The following ERBIN variants were observed in gnomAD, a reference collection of about 807,000 sequenced individuals.
The protein encoded by ERBIN is densin-180-like protein.
A neutral mutation model predicts 158.4 loss-of-function variants in ERBIN; 60 were observed. The observed-to-expected ratio is 0.38, with a 90% CI of 0.31 to 0.47. ERBIN has a LOEUF of 0.47. ERBIN is among the 20% of genes least tolerant of loss of function. The probability of loss-of-function intolerance (pLI) is 0.99; values close to 1 mark genes in which losing one functional copy is unlikely to be tolerated. For missense variants in ERBIN, 1,610 were observed against 1,648.0 expected (o/e 0.98, Z 0.40); for synonymous variants, 594 against 557.2 (o/e 1.07, Z -0.93).
In ERBIN at chr5:66,048,560, TA is replaced by T. The variant is rs1758689377; in HGVS notation, c.1789-106del. ...ATTGCCGTATCTTGAAAAGGTTTAATATGTGTTTATAATATTTGTTTTCCCT... is the reference window on the plus strand; with the variant it reads ...ATTGCCGTATCTTGAAAAGGTTTAATTGTGTTTATAATATTTGTTTTCCCT... On this transcript the variant is annotated intron_variant, in intron 18 of 25. Coordinates refer to ENST00000284037, the MANE Select transcript of ERBIN (RefSeq NM_001253697.2). The T allele has an allele frequency of 1.0e-5, 7 of 674,398 alleles. No homozygotes were observed. The Admixed American group carries it at 1.8e-4, about 17-fold the overall frequency. The allele number at this position is 674,398 out of a possible 1,614,324, so 41.8% of individuals were successfully genotyped here. A position where few individuals can be genotyped will look rare whatever the true frequency, so the allele number is the denominator to read the frequency against.
intron 1 of ERBIN, among the ~76,000 whole-genome samples, chr5:65,967,171 A>G (rs1351559671): frequency 2.0e-5 from 3 of 152,178 alleles, no homozygotes; most frequent in Admixed American, 2.0e-4. Context: ...ATGTTATTAC[A>G]AAAGTTAAGA....
chr5:66,016,687 C>T (rs1754775961), intron 7 of ERBIN, among the ~76,000 whole-genome samples: 1 of 149,508 alleles, frequency 6.7e-6, no homozygotes, highest in African/African-American at 2.5e-5. Flanking sequence ...GATCTCGGTT[C>T]ACTGCACCCT....
At chr5:66,060,021 T>A (rs938927739) in intron 21 of ERBIN, among the ~76,000 whole-genome samples, 10 of 152,146 alleles carry the variant, frequency 6.6e-5, no homozygotes, top group Non-Finnish European at 1.0e-4. Flanking sequence ...TGTCTCTGCC[T>A]GGCTTTCGTA....
At position 66,028,170 on chromosome 5, in the gene ERBIN, T is replaced by C. The variant is rs186390768; in HGVS notation, c.1137-104T>C. On this transcript the variant is annotated intron_variant, in intron 13 of 25. Transcript: ENST00000284037. ...GATTTTTTTTTCTCCTATTTTCATG[T>C]GCAACTATATAGCATTTTTCAGAAA... The C allele has an allele frequency of 1.5e-4, 98 of 669,020 alleles. No individual in the cohort carries two copies. The African/African-American group carries it at 1.7e-3, about 11-fold the overall frequency. The allele number at this position is 669,020 out of a possible 1,614,324, so 41.4% of individuals were successfully genotyped here.
At chr5:66,061,281 C>G (rs1385919494) in intron 21 of ERBIN, among the ~76,000 whole-genome samples, 3 of 152,114 alleles carry the variant, frequency 2.0e-5, no homozygotes, top group Non-Finnish European at 4.4e-5. Flanking sequence ...GAATTGATCC[C>G]TTTACCATTA....
intron 4 of ERBIN, 87 bp downstream of exon 4, chr5:65,994,951 T>C: frequency 2.6e-6 from 2 of 777,438 alleles, no homozygotes; most frequent in Non-Finnish European, 2.1e-6. Flanking sequence ...AATAAAAATA[T>C]AAAAATAAGT....
intron 1 of ERBIN, among the ~76,000 whole-genome samples, chr5:65,986,976 C>T (rs1751300312): frequency 6.6e-6 from 1 of 152,018 alleles, no homozygotes; most frequent in Admixed American, 6.6e-5. Context: ...TGTTGACTTA[C>T]GGTAATAGGA....
intron 13 of ERBIN, 69 bp downstream of exon 13, chr5:66,026,486 A>G (rs1756268739): frequency 2.5e-6 from 2 of 789,008 alleles, no homozygotes; most frequent in South Asian, 4.4e-5. Context: ...GTTTCATATG[A>G]TATATAATAG....
At chr5:65,997,935 C>T (rs1030893505) in intron 4 of ERBIN, among the ~76,000 whole-genome samples, 1 of 152,078 alleles carries the variant, frequency 6.6e-6, no homozygotes, top group Non-Finnish European at 1.5e-5. Flanking sequence ...TCTACACACA[C>T]ACACACACAC....
chr5:66,034,058 G>A (rs992347673), intron 14 of ERBIN, among the ~76,000 whole-genome samples: 3 of 149,742 alleles, frequency 2.0e-5, no homozygotes, highest in Non-Finnish European at 3.0e-5. Flanking sequence ...GCAGTGAGCC[G>A]AGATCACTCC....
intron 7 of ERBIN, among the ~76,000 whole-genome samples, chr5:66,017,848 GTTTAA>G (rs2151121465): frequency 6.6e-6 from 1 of 152,130 alleles, no homozygotes; most frequent in South Asian, 2.1e-4. Context: ...TTCCATTGTG[GTTTAA>G]TTTGTGTGTA....
intron 1 of ERBIN, among the ~76,000 whole-genome samples, chr5:65,975,836 T>A (rs1170647762): frequency 6.6e-6 from 1 of 152,250 alleles, no homozygotes; most frequent in Non-Finnish European, 1.5e-5. Context: ...AGACAAAATA[T>A]ACCTGCTTGG....
intron 1 of ERBIN, among the ~76,000 whole-genome samples, chr5:65,951,160 A>T (rs545289113): frequency 1.2e-3 from 182 of 152,318 alleles, no homozygotes; most frequent in Non-Finnish European, 2.4e-3. Context: ...TGAACCTAAA[A>T]TTGGTATGAT....
chr5:66,076,492 G>A, intron 24 of ERBIN, 84 bp downstream of exon 24: 1 of 1,053,016 alleles, frequency 9.5e-7, no homozygotes, highest in Non-Finnish European at 1.4e-6. Context: ...AAATCTAATA[G>A]ATGTTTATGT....
intron 4 of ERBIN, among the ~76,000 whole-genome samples, chr5:66,007,634 C>A (rs1478655425): frequency 6.6e-6 from 1 of 151,658 alleles, no homozygotes; most frequent in Non-Finnish European, 1.5e-5. Flanking sequence ...TGAGAAGGAA[C>A]ACTACTAATG....
chr5:65,994,037 A>G (rs1752168542), intron 3 of ERBIN, among the ~76,000 whole-genome samples: 1 of 152,188 alleles, frequency 6.6e-6, no homozygotes, highest in African/African-American at 2.4e-5. Context: ...TCTGGTGGTC[A>G]GTAAGAACAT....
intron 14 of ERBIN, among the ~76,000 whole-genome samples, chr5:66,031,465 G>C (rs549420804): frequency 6.4e-4 from 97 of 152,280 alleles, no homozygotes; most frequent in Non-Finnish European, 2.4e-4. Flanking sequence ...TCAAAGATGG[G>C]GAAGATAACC....
intron 2 of ERBIN, among the ~76,000 whole-genome samples, chr5:65,989,313 T>A (rs1292504302): frequency 6.6e-6 from 1 of 152,240 alleles, no homozygotes; most frequent in Non-Finnish European, 1.5e-5. Flanking sequence ...CAGCCTTTCT[T>A]ATCAGTCAGC....
chr5:66,035,702 G>A (rs138864969), intron 14 of ERBIN, among the ~76,000 whole-genome samples: 1 of 152,122 alleles, frequency 6.6e-6, no homozygotes, highest in South Asian at 2.1e-4. Flanking sequence ...AATTTTTTTC[G>A]ATTATATGTT....
Sources: gnomAD v4.1 joint callset for allele counts (sites outside exome capture counted in the v4.1 genomes callset) on GRCh38, gnomAD v4.1.1 for gene constraint, MANE v1.5 for transcripts, NCBI Gene and HGNC (gene_info 2026-07-23, HGNC 2026-07-21) for gene names.